RASAL2: variants seen among roughly 807,000 people sequenced by gnomAD.
RASAL2 encodes the protein ras GTPase-activating protein nGAP.
Under a neutral mutation model 128.9 loss-of-function variants are expected in RASAL2, and 58 were observed. The observed-to-expected ratio is 0.45, with a 90% confidence interval of 0.36 to 0.56. RASAL2 has a LOEUF of 0.56. Ranked by LOEUF, RASAL2 falls within the 20% of genes least tolerant of loss-of-function variation. RASAL2 has a pLI of 0.00. For missense variants in RASAL2, 1,360 were observed against 1,601.6 expected, an observed-to-expected ratio of 0.85 and a Z score of 2.57; for synonymous variants, 561 against 580.8, an observed-to-expected ratio of 0.97 and a Z score of 0.49.
At chr1:178,432,138 GATTA>G (rs1190522544) in intron 5 of RASAL2, among the ~76,000 whole-genome samples, 1 of 151,676 alleles carries the variant, frequency 6.6e-6, no homozygotes, top group African/African-American at 2.4e-5. Flanking sequence ...ATTAAAAGAT[GATTA>G]ATTTTTTTAA....
chr1:178,141,037 C>CT (rs1279357838), intron 1 of RASAL2, among the ~76,000 whole-genome samples: 2 of 152,096 alleles, frequency 1.3e-5, no homozygotes, highest in Non-Finnish European at 2.9e-5. Context: ...GCACTACATA[C>CT]TTTTTAAACA....
At chr1:178,277,947 G>A (rs1247232268) in intron 1 of RASAL2, among the ~76,000 whole-genome samples, 1 of 152,188 alleles carries the variant, frequency 6.6e-6, no homozygotes, top group Non-Finnish European at 1.5e-5. Context: ...ATGCAACACA[G>A]TGTAGTGTCT....
intron 1 of RASAL2, among the ~76,000 whole-genome samples, chr1:178,173,657 A>G (rs1571583329): frequency 1.3e-5 from 2 of 152,046 alleles, no homozygotes; most frequent in Admixed American, 1.3e-4. Flanking sequence ...TTAGTGGCAC[A>G]CCCTGAGATT....
At chr1:178,123,450 A>G (rs1298375028) in intron 1 of RASAL2, among the ~76,000 whole-genome samples, 1 of 152,188 alleles carries the variant, frequency 6.6e-6, no homozygotes, top group Non-Finnish European at 1.5e-5. Flanking sequence ...TGAACATCTA[A>G]TTTTTGTTTA....
At chr1:178,341,739 T>G (rs1669894166) in intron 3 of RASAL2, 1 of 1,317,598 alleles carries the variant, frequency 7.6e-7, no homozygotes, top group Non-Finnish European at 1.1e-6. Context: ...ATAGGTTGGT[T>G]TTTATTGCTG....
intron 1 of RASAL2, among the ~76,000 whole-genome samples, chr1:178,176,664 G>A (rs562920660): frequency 6.7e-6 from 1 of 149,738 alleles, no homozygotes; most frequent in South Asian, 2.1e-4. Flanking sequence ...CAGACAGACA[G>A]AGAGACTCCC....
chr1:178,104,284 T>TTTATATTTTGGGTTATTTC (rs1166004152), intron 1 of RASAL2, among the ~76,000 whole-genome samples: 1 of 152,134 alleles, frequency 6.6e-6, no homozygotes, highest in Non-Finnish European at 1.5e-5. Context: ...AAGATTGCCA[T>TTTATATTTTGGGTTATTTC]TTATATTTTG....
chr1:178,318,911 T>A (rs1002564716), intron 3 of RASAL2, among the ~76,000 whole-genome samples: 4 of 152,194 alleles, frequency 2.6e-5, no homozygotes, highest in Non-Finnish European at 4.4e-5. Flanking sequence ...CATTTTGGCA[T>A]GATTTTGCAG....
chr1:178,395,132 A>C (rs544263591), intron 4 of RASAL2, among the ~76,000 whole-genome samples: 4 of 152,300 alleles, frequency 2.6e-5, no homozygotes, highest in Admixed American at 2.6e-4. Flanking sequence ...AACTCTGGCC[A>C]TACATGAAAA....
chr1:178,177,851 G>A lies in RASAL2; in HGVS notation c.202+83157G>A, dbSNP rs554556469. Among the ~76,000 whole-genome samples the A allele has an allele frequency of 5.9e-5, 9 of 152,224 alleles. No individual in the cohort carries two copies. The South Asian group carries it at 1.2e-3, about 21-fold the overall frequency. Reference sequence around the variant, plus strand: ...CTATAGAACATGATAATTCTGAAACGTTCTGTAAATAGTTTTTGTAATTAA... The same window carrying A: ...CTATAGAACATGATAATTCTGAAACATTCTGTAAATAGTTTTTGTAATTAA... On this transcript the variant is annotated intron_variant, in intron 1 of 17. Coordinates refer to ENST00000367649, the MANE Select transcript of RASAL2 (RefSeq NM_170692.4).
At chr1:178,110,650 A>ATATATATACATATG (rs68137228) in intron 1 of RASAL2, among the ~76,000 whole-genome samples, 1 of 139,158 alleles carries the variant, frequency 7.2e-6, no homozygotes. Flanking sequence ...ATATATATAT[A>ATATATATACATATG]TATGTATGTA....
At chr1:178,206,041 C>T (rs1446103902) in intron 1 of RASAL2, among the ~76,000 whole-genome samples, 2 of 152,152 alleles carry the variant, frequency 1.3e-5, no homozygotes, top group Admixed American at 6.5e-5. Context: ...TGTTCTTCAG[C>T]TTTCTTCCTT....
intron 1 of RASAL2, among the ~76,000 whole-genome samples, chr1:178,216,820 A>G (rs1372864339): frequency 6.6e-6 from 1 of 151,932 alleles, no homozygotes; most frequent in African/African-American, 2.4e-5. Context: ...TTAGTTTTGA[A>G]CCACTCTTTT....
At chr1:178,341,361 T>G in intron 3 of RASAL2, 1 of 1,225,268 alleles carries the variant, frequency 8.2e-7, no homozygotes, top group Non-Finnish European at 1.0e-6. Context: ...AGGGTGGCTA[T>G]TGTTTAGTGC....
intron 3 of RASAL2, among the ~76,000 whole-genome samples, chr1:178,351,105 T>C (rs1319685571): frequency 1.3e-5 from 2 of 152,168 alleles, no homozygotes; most frequent in African/African-American, 4.8e-5. Flanking sequence ...CTCACTATCC[T>C]GATGACAGGA....
intron 17 of RASAL2, among the ~76,000 whole-genome samples, chr1:178,472,048 G>A (rs111306639): frequency 8.5e-5 from 13 of 152,166 alleles, no homozygotes; most frequent in Non-Finnish European, 1.0e-4. Context: ...TGTTTCCTGC[G>A]TTGTTTTCTG....
At chr1:178,468,429 G>A (rs1343773223) in intron 17 of RASAL2, among the ~76,000 whole-genome samples, 1 of 152,156 alleles carries the variant, frequency 6.6e-6, no homozygotes, top group East Asian at 1.9e-4. Flanking sequence ...AGAGCCCCCA[G>A]TATTCTTAAA....
At position 178,473,539 on chromosome 1, in the gene RASAL2, C is replaced by A; in HGVS notation, c.*300C>A. ...ATGTAGATTACCTTTTTGATTATTG[C>A]TATTTTTATTATTGTTTTCCTCTTG... On this transcript the variant is annotated 3_prime_UTR_variant, in exon 18 of 18. Coordinates refer to ENST00000367649, the MANE Select transcript of RASAL2 (RefSeq NM_170692.4). The A allele has an allele frequency of 2.7e-6, 1 of 373,638 alleles. No individual in the cohort carries two copies. The highest frequency in any genetic ancestry group is 4.8e-6 in the Non-Finnish European group (1 of 206,874). The allele number at this position is 373,638 out of a possible 1,614,324, so 23.1% of individuals were successfully genotyped here. A position where few individuals can be genotyped will look rare whatever the true frequency, so the allele number is the denominator to read the frequency against.
In RASAL2 at chr1:178,309,209, G is replaced by A. The variant is rs145770433; in HGVS notation, c.457+9091G>A. 3.0e-3 allele frequency among the ~76,000 whole-genome samples: 464 copies of A among 152,180 alleles called. 5 individuals are homozygous for A. The South Asian group carries it at 0.032, about 10-fold the overall frequency. ...GGTATTTCTAGCTCTGAAAGTTGGA[G>A]CTCAGTGGATAATGGCAGCCACTGA... On this transcript the variant is annotated intron_variant, in intron 3 of 17. Transcript: ENST00000367649.
Sources: allele counts gnomAD v4.1 joint callset (sites outside exome capture counted in the v4.1 genomes callset), GRCh38; gene constraint gnomAD v4.1.1; transcripts MANE v1.5; gene names NCBI Gene and HGNC (gene_info 2026-07-23, HGNC 2026-07-21).